TSPAN12: variants seen among roughly 807,000 people sequenced by gnomAD.
TSPAN12 encodes tetraspanin 12.
A neutral mutation model predicts 39.2 loss-of-function variants in TSPAN12; 19 were observed. The ratio of observed to expected loss-of-function variants is 0.49; its 90% CI spans 0.34 to 0.71. The LOEUF is 0.71. Among genes scored for constraint, TSPAN12 ranks in the 30% least tolerant of loss-of-function variants. The probability of loss-of-function intolerance (pLI) is 0.01; values close to 1 mark genes in which losing one functional copy is unlikely to be tolerated. For missense variants in TSPAN12, 314 were observed against 359.9 expected (o/e 0.87, Z 1.03); for synonymous variants, 119 against 124.8 (o/e 0.95, Z 0.31).
At chr7:120,844,942 C>T (rs1187748352) in intron 2 of TSPAN12, among the ~76,000 whole-genome samples, 9 of 152,222 alleles carry the variant, frequency 5.9e-5, no homozygotes, top group Non-Finnish European at 1.0e-4. Context: ...AGGGCTCTGT[C>T]CCTGCAGCAG....
At chr7:120,811,552 C>T (rs1359253181) in intron 5 of TSPAN12, among the ~76,000 whole-genome samples, 1 of 150,406 alleles carries the variant, frequency 6.6e-6, no homozygotes, top group Admixed American at 6.6e-5. Flanking sequence ...TGCCTGTAGT[C>T]CCAGCTACTT....
chr7:120,843,457 T>C (rs1794615167), intron 2 of TSPAN12, among the ~76,000 whole-genome samples: 1 of 152,120 alleles, frequency 6.6e-6, no homozygotes, highest in South Asian at 2.1e-4. Context: ...GTACCTCCCT[T>C]ATGGGGCTCT....
At chr7:120,837,437 G>A (rs962251127) in intron 4 of TSPAN12, among the ~76,000 whole-genome samples, 9 of 151,102 alleles carry the variant, frequency 6.0e-5, no homozygotes, top group Non-Finnish European at 1.2e-4. Flanking sequence ...TCAGCCTCCC[G>A]AGTAGCTGGG....
At chr7:120,828,191 C>T (rs564191709) in intron 4 of TSPAN12, among the ~76,000 whole-genome samples, 4 of 152,234 alleles carry the variant, frequency 2.6e-5, no homozygotes, top group African/African-American at 7.2e-5. Context: ...CGTAATTCTC[C>T]CTTACTTAGC....
chr7:120,822,949 G>A (rs943786313), intron 4 of TSPAN12, among the ~76,000 whole-genome samples: 4 of 152,158 alleles, frequency 2.6e-5, no homozygotes, highest in African/African-American at 7.2e-5. Flanking sequence ...CTAAAGGACA[G>A]CAAACGAGTG....
At chr7:120,792,813 T>C (rs938895481) in intron 7 of TSPAN12, among the ~76,000 whole-genome samples, 6 of 152,232 alleles carry the variant, frequency 3.9e-5, no homozygotes, top group African/African-American at 7.2e-5. Context: ...TGTCACATTA[T>C]ATTATTTAAA....
intron 4 of TSPAN12, among the ~76,000 whole-genome samples, chr7:120,833,586 A>G (rs1294581107): frequency 6.6e-6 from 1 of 152,178 alleles, no homozygotes; most frequent in Non-Finnish European, 1.5e-5. Flanking sequence ...AATTGGAAAA[A>G]AAAGCACTTC....
chr7:120,827,842 C>A (rs1794318423), intron 4 of TSPAN12, among the ~76,000 whole-genome samples: 1 of 152,204 alleles, frequency 6.6e-6, no homozygotes, highest in South Asian at 2.1e-4. Context: ...AAAGTCTTTT[C>A]CCTGAGGCTG....
In TSPAN12 at chr7:120,840,127, C is replaced by T; in HGVS notation, c.67-18G>A. 1.3e-6 allele frequency: 2 copies of T among 1,593,020 alleles called. No homozygotes were observed. The highest frequency in any genetic ancestry group is 8.6e-7 in the Non-Finnish European group (1 of 1,160,978). On this transcript the variant is annotated intron_variant, in intron 2 of 7. Transcript: ENST00000222747. ...GACATTAACTGGGGAGAAAAAAGTACAAACCGGTTACCAAAGATTTACGTA... is the reference window on the plus strand; with the variant it reads ...GACATTAACTGGGGAGAAAAAAGTATAAACCGGTTACCAAAGATTTACGTA...
At chr7:120,844,014 G>C (rs1794625399) in intron 2 of TSPAN12, among the ~76,000 whole-genome samples, 1 of 152,204 alleles carries the variant, frequency 6.6e-6, no homozygotes, top group Admixed American at 6.5e-5. Context: ...CAGGAAACAT[G>C]GCTGGGGAGG....
At chr7:120,819,376 G>T (rs182140511) in intron 4 of TSPAN12, among the ~76,000 whole-genome samples, 139 of 152,178 alleles carry the variant, frequency 9.1e-4, no homozygotes, top group Admixed American at 3.7e-3. Flanking sequence ...TGATTGGTGG[G>T]GAGGGGCTAA....
At chr7:120,801,260 C>T (rs1793765054) in intron 7 of TSPAN12, among the ~76,000 whole-genome samples, 1 of 152,110 alleles carries the variant, frequency 6.6e-6, no homozygotes, top group Non-Finnish European at 1.5e-5. Flanking sequence ...AGCCAAGACT[C>T]GGAGAAAAAC....
At chr7:120,845,558 C>T (rs1794654904) in intron 2 of TSPAN12, among the ~76,000 whole-genome samples, 1 of 152,156 alleles carries the variant, frequency 6.6e-6, no homozygotes, top group Admixed American at 6.5e-5. Flanking sequence ...ATTTGTTCTG[C>T]CAGATTACCC....
chr7:120,805,472 T>C (rs1793853456), intron 7 of TSPAN12, among the ~76,000 whole-genome samples: 1 of 152,124 alleles, frequency 6.6e-6, no homozygotes, highest in Admixed American at 6.6e-5. Context: ...CCTGTTGCTT[T>C]GTTTTAAATT....
intron 7 of TSPAN12, among the ~76,000 whole-genome samples, chr7:120,796,999 CA>C (rs1028737567): frequency 2.6e-5 from 4 of 151,824 alleles, no homozygotes; most frequent in Admixed American, 6.6e-5. Flanking sequence ...ACTAAAAATA[CA>C]AAAAAAATTA....
intron 6 of TSPAN12, among the ~76,000 whole-genome samples, chr7:120,807,734 A>G (rs1340964782): frequency 2.0e-5 from 3 of 152,126 alleles, no homozygotes; most frequent in Non-Finnish European, 1.5e-5. Context: ...AAAATACCAC[A>G]AAGTATTTTG....
intron 7 of TSPAN12, among the ~76,000 whole-genome samples, chr7:120,804,854 G>A (rs1032581086): frequency 6.6e-5 from 10 of 152,080 alleles, no homozygotes; most frequent in Non-Finnish European, 1.3e-4. Flanking sequence ...AAAACACCAT[G>A]TGAAGATGAA....
chr7:120,833,414 C>A (rs1334071117), intron 4 of TSPAN12, among the ~76,000 whole-genome samples: 108 of 143,744 alleles, frequency 7.5e-4, no homozygotes, highest in Middle Eastern at 3.5e-3. Context: ...AACAAACAAA[C>A]AAAAAAAAAA....
chr7:120,811,890 G>A (rs1793989990), intron 5 of TSPAN12, among the ~76,000 whole-genome samples: 1 of 151,910 alleles, frequency 6.6e-6, no homozygotes, highest in Non-Finnish European at 1.5e-5. Context: ...TGGACTTTGG[G>A]GACTCGGGAG....
Sources: gnomAD v4.1 joint callset for allele counts (sites outside exome capture counted in the v4.1 genomes callset) on GRCh38, gnomAD v4.1.1 for gene constraint, MANE v1.5 for transcripts, NCBI Gene and HGNC (gene_info 2026-07-23, HGNC 2026-07-21) for gene names.